Variants in LINGO3 observed in about 807,000 individuals in gnomAD.
The protein encoded by LINGO3 is leucine-rich repeat and immunoglobulin-like domain-containing nogo receptor-interacting protein 3.
For missense variants in LINGO3, 750 were observed against 867.7 expected (o/e 0.86, Z 1.70); for synonymous variants, 427 against 444.2 (o/e 0.96, Z 0.49).
chr19:2,301,074 G>A, the LINGO3 span, among the ~76,000 whole-genome samples: 7 of 152,202 alleles, frequency 4.6e-5, no homozygotes, highest in East Asian at 1.9e-4. Flanking sequence ...AGACCCCCAA[G>A]AGACTCTGCA....
At chr19:2,298,592 G>A in the LINGO3 span, among the ~76,000 whole-genome samples, 1 of 149,144 alleles carries the variant, frequency 6.7e-6, no homozygotes, top group Non-Finnish European at 1.5e-5. Flanking sequence ...CCAGGCTGGA[G>A]TGCAGTGGTG....
At chr19:2,297,321 C>G in the LINGO3 span, among the ~76,000 whole-genome samples, 2 of 28,360 alleles carry the variant, frequency 7.1e-5, no homozygotes, top group Non-Finnish European at 1.4e-4. Flanking sequence ...TTTTTTTTTT[C>G]TGAGACAGAG....
upstream of LINGO3, among the ~76,000 whole-genome samples, chr19:2,292,678 C>G (rs1249177199): frequency 2.6e-5 from 4 of 151,642 alleles, no homozygotes; most frequent in African/African-American, 9.7e-5. Flanking sequence ...TTAGTAGAGA[C>G]GGGGTTTTAC....
the LINGO3 span, among the ~76,000 whole-genome samples, chr19:2,305,333 C>T: frequency 6.6e-6 from 1 of 152,030 alleles, no homozygotes; most frequent in Non-Finnish European, 1.5e-5. Context: ...CTTCCCTGTA[C>T]CCCCAGCTGT....
chr19:2,292,664 A>G (rs2025537398), upstream of LINGO3, among the ~76,000 whole-genome samples: 1 of 150,898 alleles, frequency 6.6e-6, no homozygotes, highest in African/African-American at 2.4e-5. Context: ...TAATTTTTGT[A>G]TTTTTAGTAG....
In LINGO3 at chr19:2,290,092, T is replaced by C. The variant is rs753945074; in HGVS notation, c.1685A>G (p.Asn562Ser). The C allele has an allele frequency of 3.1e-6, 5 of 1,593,470 alleles. No homozygotes were observed. Among genetic ancestry groups the C allele is most frequent in the African/African-American group, 2.7e-5 (2 of 73,204 alleles). ...GCGGAAGGAGTACTCCACCGAGAAG[T>C]TGTTTTTGTGCTGCCCGCGGCCGCG... The change falls in exon 1 of 1, where the codon AAC becomes AGC. Residue 562 changes from asparagine to serine, a missense_variant. Physicochemically the swap from Asn to Ser is conservative, Grantham distance 46 (BLOSUM62 1). Transcript: ENST00000585527. The surrounding 1 kb of genome is among the most constrained non-coding windows in gnomAD (Gnocchi z 6.0).
chr19:2,300,800 G>T, the LINGO3 span, among the ~76,000 whole-genome samples: 1 of 152,124 alleles, frequency 6.6e-6, no homozygotes, highest in Non-Finnish European at 1.5e-5. Context: ...TTCTGGCATT[G>T]GTGTCCCCAG....
chr19:2,305,934 G>A, the LINGO3 span, among the ~76,000 whole-genome samples: 8 of 152,220 alleles, frequency 5.3e-5, no homozygotes. Flanking sequence ...GGCCCTCCCG[G>A]GGCTTCATCC....
chr19:2,287,393 G>T (rs1369095448), downstream of LINGO3, among the ~76,000 whole-genome samples: 1 of 152,072 alleles, frequency 6.6e-6, no homozygotes, highest in Non-Finnish European at 1.5e-5. The surrounding 1 kb of genome is among the most constrained non-coding windows in gnomAD (Gnocchi z 4.5). Context: ...GGGCCCTTGG[G>T]GTTGTCATGG....
the LINGO3 span, among the ~76,000 whole-genome samples, chr19:2,301,708 A>C: frequency 6.6e-6 from 1 of 152,054 alleles, no homozygotes; most frequent in African/African-American, 2.4e-5. Context: ...AGGGCGGATC[A>C]CAAGTTCAAG....
At chr19:2,297,577 A>G in the LINGO3 span, among the ~76,000 whole-genome samples, 1 of 149,078 alleles carries the variant, frequency 6.7e-6, no homozygotes, top group Non-Finnish European at 1.5e-5. Flanking sequence ...TGCTGGGATT[A>G]CAGGCATAAG....
At position 2,290,861 on chromosome 19, in the gene LINGO3, G is replaced by A. The variant is rs755673201; in HGVS notation, c.916C>T (p.Leu306=). 4.3e-6 allele frequency: 7 copies of A among 1,611,524 alleles called. No individual in the cohort carries two copies. ...AAGGCCTGCGGCTCCACCACAGCCA[G>A]CAGGGCCCCGGCCAGGTGCAGCTCG... The change falls in exon 1 of 1, where the codon CTG becomes TTG. Residue 306 remains leucine, a synonymous_variant. Coordinates refer to ENST00000585527, the Ensembl canonical transcript of LINGO3. The surrounding 1 kb of genome is among the most constrained non-coding windows in gnomAD (Gnocchi z 6.0).
the LINGO3 span, among the ~76,000 whole-genome samples, chr19:2,299,873 G>A: frequency 0.12 from 17,135 of 148,564 alleles, 1,260 homozygotes; most frequent in East Asian, 0.2. Context: ...ACAGGCGCCC[G>A]CCACCACGCC....
At chr19:2,308,095 A>G in the LINGO3 span, among the ~76,000 whole-genome samples, 1 of 146,082 alleles carries the variant, frequency 6.8e-6, no homozygotes, top group Non-Finnish European at 1.5e-5. Context: ...TCCGCCGCGG[A>G]CACGGCGCGG....
upstream of LINGO3, among the ~76,000 whole-genome samples, chr19:2,296,031 G>C (rs901006762): frequency 1.3e-5 from 2 of 152,122 alleles, no homozygotes; most frequent in African/African-American, 4.8e-5. Context: ...CCCAACCCCG[G>C]AATCATCCTT....
chr19:2,303,664 C>G, the LINGO3 span, among the ~76,000 whole-genome samples: 1 of 152,190 alleles, frequency 6.6e-6, no homozygotes, highest in East Asian at 1.9e-4. Flanking sequence ...TCCAGCTCTG[C>G]GTGGTCCGAC....
chr19:2,290,676 G>C lies in LINGO3; in HGVS notation c.1101C>G (p.Arg367=), dbSNP rs754222476. ...GCCGCCCGTCGAAGTTGAGGGTCTT[G>C]CGACGCTGCACGATCCACAGCAGGC... is the stretch of plus-strand genomic sequence containing the variant. The change falls in exon 1 of 1, where the codon CGC becomes CGG. Residue 367 remains arginine, a synonymous_variant. Coordinates refer to ENST00000585527, the Ensembl canonical transcript of LINGO3. This position sits in a 1 kb window ranked among gnomAD's most constrained non-coding sequence, Gnocchi z 6.0. 3.7e-6 allele frequency: 6 copies of C among 1,608,618 alleles called. No homozygotes were observed. Among genetic ancestry groups the C allele is most frequent in the Non-Finnish European group, 4.2e-6 (5 of 1,178,382 alleles).
At chr19:2,292,249 T>C (rs919352400), upstream of LINGO3, among the ~76,000 whole-genome samples, 3 of 150,684 alleles carry the variant, frequency 2.0e-5, no homozygotes, top group Admixed American at 2.0e-4. Flanking sequence ...ATTGAAAAGT[T>C]TACCCAGGCA....
downstream of LINGO3, among the ~76,000 whole-genome samples, chr19:2,288,976 T>G (rs1289448558): frequency 2.0e-5 from 3 of 147,774 alleles, no homozygotes; most frequent in Non-Finnish European, 4.5e-5. This position sits in a 1 kb window ranked among gnomAD's most constrained non-coding sequence, Gnocchi z 6.5. Context: ...GGTGTGTGTC[T>G]CGGGTGTGAG....
Sources: gnomAD v4.1 joint callset for allele counts (sites outside exome capture counted in the v4.1 genomes callset) on GRCh38, gnomAD v4.1.1 for gene constraint, Gnocchi (gnomAD v3.1) non-coding constraint, MANE v1.5 for transcripts, NCBI Gene and HGNC (gene_info 2026-07-23, HGNC 2026-07-21) for gene names.